Variants in NEGR1 observed in about 807,000 individuals in gnomAD.
NEGR1 encodes neuronal growth regulator 1, also known as IgLON family member 4.
NEGR1 carries 10 observed loss-of-function variants against 40.9 expected under a neutral mutation model. The observed-to-expected ratio is 0.24, with a 90% CI of 0.15 to 0.42. NEGR1 has a LOEUF of 0.42. Among genes scored for constraint, NEGR1 ranks in the 10% least tolerant of loss-of-function variants. The probability of loss-of-function intolerance (pLI) is 1.00; values close to 1 mark genes in which losing one functional copy is unlikely to be tolerated. For synonymous variants in NEGR1, 185 were observed against 166.8 expected (o/e 1.11, Z -0.84); for missense variants, 352 against 438.9 (o/e 0.80, Z 1.77).
chr1:72,127,347 C>T (rs550573314), intron 1 of NEGR1, among the ~76,000 whole-genome samples: 6 of 151,126 alleles, frequency 4.0e-5, no homozygotes, highest in South Asian at 2.1e-4. Context: ...GCCTGTAGTC[C>T]CAGCTACCCA....
At chr1:72,113,121 G>C (rs943910995) in intron 1 of NEGR1, among the ~76,000 whole-genome samples, 1 of 151,668 alleles carries the variant, frequency 6.6e-6, no homozygotes, top group African/African-American at 2.4e-5. Context: ...ACACATAGAA[G>C]CACAGTGAGC....
At chr1:71,883,471 A>C (rs994064761) in intron 2 of NEGR1, among the ~76,000 whole-genome samples, 2 of 152,182 alleles carry the variant, frequency 1.3e-5, no homozygotes, top group African/African-American at 4.8e-5. Flanking sequence ...TAAATAATTG[A>C]ACACAAAAAT....
intron 2 of NEGR1, among the ~76,000 whole-genome samples, chr1:71,923,581 T>A: frequency 6.6e-6 from 1 of 152,190 alleles, no homozygotes; most frequent in East Asian, 1.9e-4. Context: ...CACAAGTGTA[T>A]CTTACATGTC....
intron 4 of NEGR1, among the ~76,000 whole-genome samples, chr1:71,692,946 C>T (rs1468895991): frequency 6.6e-6 from 1 of 151,652 alleles, no homozygotes; most frequent in Non-Finnish European, 1.5e-5. Context: ...ATAAAATGGT[C>T]AATATTTAGA....
chr1:72,205,322 C>G (rs542253688), intron 1 of NEGR1, among the ~76,000 whole-genome samples: 6 of 151,686 alleles, frequency 4.0e-5, no homozygotes, highest in African/African-American at 9.7e-5. Context: ...TATGGAAAAA[C>G]CAAATTGGGT....
chr1:71,672,586 C>T (rs1157517736), intron 4 of NEGR1, among the ~76,000 whole-genome samples: 1 of 152,046 alleles, frequency 6.6e-6, no homozygotes. Flanking sequence ...GTGCTAGTCT[C>T]CAAAATATCT....
intron 6 of NEGR1, among the ~76,000 whole-genome samples, chr1:71,543,724 AGAT>A (rs1450028396): frequency 6.6e-6 from 1 of 151,726 alleles, no homozygotes; most frequent in African/African-American, 2.4e-5. Context: ...ATCTTCTAGT[AGAT>A]ATTAATATAA....
At chr1:71,423,879 G>A (rs1472571788) in intron 6 of NEGR1, among the ~76,000 whole-genome samples, 2 of 134,290 alleles carry the variant, frequency 1.5e-5, no homozygotes, top group Admixed American at 1.6e-4. Context: ...TGAGTATAAA[G>A]AATTAAGACC....
chr1:71,575,929 A>C (rs1648953071), intron 6 of NEGR1, among the ~76,000 whole-genome samples: 1 of 152,236 alleles, frequency 6.6e-6, no homozygotes, highest in Non-Finnish European at 1.5e-5. Context: ...AGAAGCCACG[A>C]GCCTTGTCTG....
intron 1 of NEGR1, among the ~76,000 whole-genome samples, chr1:71,955,389 T>C (rs1006610769): frequency 8.5e-5 from 13 of 152,088 alleles, no homozygotes; most frequent in African/African-American, 3.1e-4. Flanking sequence ...TATTGTCCCT[T>C]TCCTACTTTA....
chr1:71,644,626 G>A (rs1190270900), intron 4 of NEGR1, among the ~76,000 whole-genome samples: 1 of 151,926 alleles, frequency 6.6e-6, no homozygotes, highest in Non-Finnish European at 1.5e-5. Context: ...AGGTGTGTGA[G>A]ATCTTGAGAA....
chr1:72,270,012 C>T (rs879415308), intron 1 of NEGR1, among the ~76,000 whole-genome samples: 4 of 151,756 alleles, frequency 2.6e-5, no homozygotes, highest in Non-Finnish European at 5.9e-5. Flanking sequence ...GCCAATAAAT[C>T]TATCAATTGT....
At chr1:72,027,794 G>A (rs1351546750) in intron 1 of NEGR1, among the ~76,000 whole-genome samples, 1 of 152,124 alleles carries the variant, frequency 6.6e-6, no homozygotes, top group Non-Finnish European at 1.5e-5. Context: ...CTACTCAAAG[G>A]GTGATCCCTG....
chr1:72,246,381 C>T (rs1654904209), intron 1 of NEGR1, among the ~76,000 whole-genome samples: 1 of 152,122 alleles, frequency 6.6e-6, no homozygotes, highest in Admixed American at 6.5e-5. Context: ...GCACTGTGCT[C>T]TAACAATAAT....
At chr1:71,977,068 A>C (rs1476864554) in intron 1 of NEGR1, among the ~76,000 whole-genome samples, 1 of 152,194 alleles carries the variant, frequency 6.6e-6, no homozygotes, top group Non-Finnish European at 1.5e-5. Flanking sequence ...CATGGCTGTA[A>C]TCTCAGGACT....
chr1:72,230,054 G>A (rs1654315480), intron 1 of NEGR1, among the ~76,000 whole-genome samples: 1 of 152,036 alleles, frequency 6.6e-6, no homozygotes, highest in South Asian at 2.1e-4. Context: ...AACCACATTG[G>A]GTAGGATACT....
chr1:71,879,746 A>G (rs78739671), intron 2 of NEGR1, among the ~76,000 whole-genome samples: 3,132 of 152,246 alleles, frequency 0.021, 68 homozygotes, highest in South Asian at 0.1. Flanking sequence ...GGCATTCACA[A>G]CATTTCTTAG....
At chr1:71,514,871 G>A in intron 6 of NEGR1, among the ~76,000 whole-genome samples, 2 of 106,378 alleles carry the variant, frequency 1.9e-5, no homozygotes, top group East Asian at 2.9e-4. Context: ...ATACAGAGAA[G>A]TGCTTAAAGG....
At chr1:71,431,008 A>G (rs1227111981) in intron 6 of NEGR1, among the ~76,000 whole-genome samples, 1 of 151,760 alleles carries the variant, frequency 6.6e-6, no homozygotes, top group Non-Finnish European at 1.5e-5. Context: ...CGGCCTCCCA[A>G]AGTGCTGGGA....
Sources: gnomAD v4.1 joint callset for allele counts (sites outside exome capture counted in the v4.1 genomes callset) on GRCh38, gnomAD v4.1.1 for gene constraint, MANE v1.5 for transcripts, NCBI Gene and HGNC (gene_info 2026-07-23, HGNC 2026-07-21) for gene names.